The following TAX1BP3 variants were observed in gnomAD, a reference collection of about 807,000 sequenced individuals.
TAX1BP3 encodes Tax1 binding protein 3.
TAX1BP3 carries 13 observed loss-of-function variants against 15.3 expected under a neutral mutation model. The ratio of observed to expected loss-of-function variants is 0.85; its 90% CI spans 0.55 to 1.35. TAX1BP3 has a LOEUF of 1.35. TAX1BP3 is among the 40% of genes most tolerant of loss of function. TAX1BP3 has a pLI of 0.00. For synonymous variants in TAX1BP3, 70 were observed against 66.0 expected, an observed-to-expected ratio of 1.06 and a Z score of -0.30; for missense variants, 147 against 169.6, an observed-to-expected ratio of 0.87 and a Z score of 0.74.
chr17:3,667,894 C>A (rs561857181), intron 1 of TAX1BP3, among the ~76,000 whole-genome samples: 1 of 152,362 alleles, frequency 6.6e-6, no homozygotes, highest in East Asian at 1.9e-4. Context: ...GAGGCCTGGA[C>A]TTTTTTGCCT....
Position 3,663,543 on chromosome 17 carries a change from C to T in TAX1BP3, c.*205G>A, listed in dbSNP as rs551370479. The T allele has an allele frequency of 7.6e-5, 50 of 655,956 alleles. 1 individual carries two copies. In the Middle Eastern group the frequency reaches 1.4e-3, roughly 18 times the overall value. 40.6% of individuals were successfully genotyped at this position (655,956 alleles called of 1,614,324 possible). ...GCTCCAGGCCCTTATTTCCAATCCT[C>T]GGTGTCCAGGAGAGAAAGCCGGTCC... On this transcript the variant is annotated 3_prime_UTR_variant, in exon 4 of 4. Coordinates refer to ENST00000225525, the MANE Select transcript of TAX1BP3 (RefSeq NM_014604.4).
chr17:3,664,527 C>G (rs1445778770), intron 2 of TAX1BP3, 152 bp downstream of exon 2: 5 of 1,179,562 alleles, frequency 4.2e-6, no homozygotes, highest in South Asian at 1.3e-5. Flanking sequence ...CCCACCCGTC[C>G]TTATTCTCAC....
Position 3,668,567 on chromosome 17 carries a change from C to G in TAX1BP3, c.-41G>C. 1 of 1,578,860 alleles carries G rather than the reference C, an allele frequency of 6.3e-7. No individual in the cohort carries two copies. Among genetic ancestry groups the G allele is most frequent in the Non-Finnish European group, 8.6e-7 (1 of 1,164,530 alleles). On this transcript the variant is annotated 5_prime_UTR_variant, in exon 1 of 4. Transcript: ENST00000225525. The surrounding 1 kb of genome is among the most constrained non-coding windows in gnomAD (Gnocchi z 4.1). ...GTCGCCCAGCGCCGCTCCGAGAAGC[C>G]GGCAGCAGAGTACCCGCGGTCGCGC...
In TAX1BP3 at chr17:3,662,930, G is replaced by C. The variant is rs1220940453; in HGVS notation, c.*818C>G. The C allele has an allele frequency of 1.3e-5, 2 of 152,206 alleles. No homozygotes were observed. Among genetic ancestry groups the C allele is most frequent in the Non-Finnish European group, 2.9e-5 (2 of 68,048 alleles). The allele number at this position is 152,206 out of a possible 1,614,324, so 9.4% of individuals were successfully genotyped here. On this transcript the variant is annotated 3_prime_UTR_variant, in exon 4 of 4. Transcript: ENST00000225525. ...CATTTTTATTGAGCGCACCACATCG[G>C]GGAGGGGCGGCAGTGGTTTCCACGG... is the stretch of plus-strand genomic sequence containing the variant.
Position 3,665,395 on chromosome 17 carries a change from G to T in TAX1BP3, c.40-597C>A. The T allele has an allele frequency of 2.0e-6, 3 of 1,465,834 alleles. No homozygotes were observed. The South Asian group carries it at 3.4e-5, about 17-fold the overall frequency. 90.8% of individuals were successfully genotyped at this position (1,465,834 alleles called of 1,614,324 possible). ...GGAATGCCCCACAAGGGTTACCATG[G>T]CAAAACTGGAAGAGTCTACAATGTT... On this transcript the variant is annotated intron_variant, in intron 1 of 3. Transcript: ENST00000225525.
chr17:3,663,907 G>T, intron 3 of TAX1BP3, 22 bp from the exon 4 acceptor site: 2 of 1,598,452 alleles, frequency 1.3e-6, no homozygotes, highest in South Asian at 1.1e-5. Context: ...AGAGAACACA[G>T]GCTCACCTCA....
chr17:3,663,812 A>C lies in TAX1BP3; in HGVS notation c.311T>G (p.Val104Gly). The stretch of plus-strand genomic sequence containing the variant: ...CTGCCGCGTCACCAGCAGACGCACC[A>C]CCTCCTCCGAGCGCTTGGTGAGCCG... ...RKRLTKRSEE[V>G]VRLLVTRQSL... The change falls in exon 4 of 4, where the codon GTG (valine) becomes GGG (glycine). Residue 104 changes from valine to glycine, a missense_variant. Physicochemically the swap from Val to Gly is moderately radical, Grantham distance 109. Transcript: ENST00000225525. 1.2e-6 allele frequency: 2 copies of C among 1,608,808 alleles called. No individual in the cohort carries two copies. The highest frequency in any genetic ancestry group is 1.7e-6 in the Non-Finnish European group (2 of 1,179,842).
chr17:3,664,384 C>T, intron 2 of TAX1BP3, 112 bp from the exon 3 acceptor site: 5 of 1,282,190 alleles, frequency 3.9e-6, no homozygotes, highest in Non-Finnish European at 5.6e-6. Context: ...TGCACCCAGC[C>T]TCTCCCAGCA....
rs1054045769 is a variant in TAX1BP3, at chr17:3,665,829, C to T, written c.40-1031G>A. On this transcript the variant is annotated intron_variant, in intron 1 of 3. Coordinates refer to ENST00000225525, the MANE Select transcript of TAX1BP3 (RefSeq NM_014604.4). ...GCACAGGGTGCCGTGGATACGTGTT[C>T]GTGAGACTGGAGTGTCCAGTGCAGG... 2.9e-5 allele frequency: 18 copies of T among 616,408 alleles called. No individual in the cohort carries two copies. The Admixed American group carries it at 3.2e-4, about 11-fold the overall frequency. 38.2% of individuals were successfully genotyped at this position (616,408 alleles called of 1,614,324 possible).
At chr17:3,665,524 G>A (rs866087552) in intron 1 of TAX1BP3, 24 of 1,363,928 alleles carry the variant, frequency 1.8e-5, no homozygotes, top group South Asian at 4.7e-5. Context: ...TCTAAGAGCC[G>A]AGATAGCTTC....
chr17:3,664,635 C>T, intron 2 of TAX1BP3, 44 bp downstream of exon 2: 1 of 1,610,450 alleles, frequency 6.2e-7, no homozygotes, highest in Non-Finnish European at 8.5e-7. Flanking sequence ...CATCTCAGGC[C>T]CCTGTGCCCC....
intron 1 of TAX1BP3, chr17:3,665,756 A>G (rs1597676271): frequency 3.2e-6 from 2 of 616,486 alleles, no homozygotes; most frequent in Admixed American, 2.7e-5. Context: ...AAAAAAAAAA[A>G]AAAAAAAAAG....
rs974258706 is a variant in TAX1BP3 at position 3,664,575 on chromosome 17, G to C, written c.159+104C>G. The C allele has an allele frequency of 3.4e-6, 5 of 1,473,342 alleles. No individual in the cohort carries two copies. In the Admixed American group the frequency reaches 8.5e-5, roughly 25 times the overall value. The allele number at this position is 1,473,342 out of a possible 1,614,324, so 91.3% of individuals were successfully genotyped here. The stretch of plus-strand genomic sequence containing the variant: ...GATGCCTTCTTAGAGAGCATGGTTT[G>C]AGAGATGAAGTCTGTTCCTTCCATG... On this transcript the variant is annotated intron_variant, in intron 2 of 3. Coordinates refer to ENST00000225525, the MANE Select transcript of TAX1BP3 (RefSeq NM_014604.4).
chr17:3,663,559 A>G lies in TAX1BP3; in HGVS notation c.*189T>C, dbSNP rs1597673161. On this transcript the variant is annotated 3_prime_UTR_variant, in exon 4 of 4. Transcript: ENST00000225525. ...TCCAATCCTCGGTGTCCAGGAGAGA[A>G]AGCCGGTCCCAGAGGCCCCAGGCCA... The G allele has an allele frequency of 2.5e-6, 2 of 786,392 alleles. No homozygotes were observed. The highest frequency in any genetic ancestry group is 5.3e-5 in the South Asian group (2 of 37,540). 48.7% of individuals were successfully genotyped at this position (786,392 alleles called of 1,614,324 possible). A position where few individuals can be genotyped will look rare whatever the true frequency, so the allele number is the denominator to read the frequency against.
chr17:3,664,135 C>G (rs904409692), intron 3 of TAX1BP3, 60 bp downstream of exon 3: 1 of 1,605,450 alleles, frequency 6.2e-7, no homozygotes, highest in Non-Finnish European at 8.5e-7. Flanking sequence ...CTCCCCACCC[C>G]CAAGTGCTTC....
chr17:3,666,435 G>C (rs1383790681), intron 1 of TAX1BP3, among the ~76,000 whole-genome samples: 2 of 152,134 alleles, frequency 1.3e-5, no homozygotes, highest in Non-Finnish European at 2.9e-5. Context: ...ATGGAGGAGA[G>C]GAGTCAAGAG....
chr17:3,665,836 C>G, intron 1 of TAX1BP3: 1 of 613,980 alleles, frequency 1.6e-6, no homozygotes, highest in Non-Finnish European at 2.8e-6. Flanking sequence ...GTTCGTGAGA[C>G]TGGAGTGTCC....
chr17:3,664,851 G>C, intron 1 of TAX1BP3, 53 bp from the exon 2 acceptor site: 1 of 1,588,842 alleles, frequency 6.3e-7, no homozygotes, highest in Non-Finnish European at 8.6e-7. Flanking sequence ...GAATTAGGCT[G>C]GTGGGTGTTC....
intron 1 of TAX1BP3, among the ~76,000 whole-genome samples, chr17:3,666,623 C>G (rs928931969): frequency 4.6e-5 from 7 of 152,086 alleles, no homozygotes; most frequent in African/African-American, 1.7e-4. Flanking sequence ...TCTCAGGATT[C>G]TACATGGGAG....
Sources: gnomAD v4.1 joint callset for allele counts (sites outside exome capture counted in the v4.1 genomes callset) on GRCh38, gnomAD v4.1.1 for gene constraint, Gnocchi (gnomAD v3.1) non-coding constraint, MANE v1.5 for transcripts, NCBI Gene and HGNC (gene_info 2026-07-23, HGNC 2026-07-21) for gene names.